Variants in CCNDBP1 observed in about 807,000 individuals in gnomAD.
The protein encoded by CCNDBP1 is cyclin D1 binding protein 1.
A neutral mutation model predicts 46.2 loss-of-function variants in CCNDBP1; 45 were observed. That is an observed-to-expected ratio of 0.97 (90% CI 0.77 to 1.25). The LOEUF (loss-of-function observed/expected upper bound fraction) is 1.25. CCNDBP1 is among the 50% of genes most tolerant of loss of function. The pLI is 0.00. For missense variants in CCNDBP1, 436 were observed against 442.1 expected (o/e 0.99, Z 0.12); for synonymous variants, 154 against 163.6 (o/e 0.94, Z 0.45).
Position 43,190,112 on chromosome 15 carries a change from C to T in CCNDBP1, c.389C>T (p.Ala130Val). ...ACCCTGGACATCGTGGATGGCATGG[C>T]TCAGCTCATGGAAGTACTTTCCGTC... ...GATLDIVDGMAQLMEVLSVTP... is the reference protein window; with the variant it reads ...GATLDIVDGMVQLMEVLSVTP... The change falls in exon 5 of 11, where the codon GCT (alanine) becomes GTT (valine). Residue 130 changes from alanine to valine, a missense_variant. Coordinates refer to ENST00000300213, the MANE Select transcript of CCNDBP1 (RefSeq NM_012142.5). 1.2e-6 allele frequency: 2 copies of T among 1,614,144 alleles called. No homozygotes were observed.
chr15:43,185,763 G>A lies in CCNDBP1; in HGVS notation c.110-57G>A. On this transcript the variant is annotated intron_variant, in intron 1 of 10. Coordinates refer to ENST00000300213, the MANE Select transcript of CCNDBP1 (RefSeq NM_012142.5). ...GGGCTTGGGCGAGGGAGGTGGCTCC[G>A]CTTACCTCAGCTTTTCCATTCGCCA... 5.1e-6 allele frequency: 8 copies of A among 1,569,884 alleles called. No individual in the cohort carries two copies. The South Asian group carries it at 8.0e-5, about 16-fold the overall frequency.
chr15:43,185,826 A>G lies in CCNDBP1; in HGVS notation c.116A>G (p.Glu39Gly). ...RLLLPRVRVG[E>G]AQETTEEFNR... is the part of the protein sequence containing the mutation. ...CACACGCCACACCCACAAGTCGGCG[A>G]AGCCCAGGAGACCACCGAGGAGTTT... The change falls in exon 2 of 11, where the codon GAA (glutamate) becomes GGA (glycine). Residue 39 changes from glutamate (E) to glycine (G), a missense_variant. Physicochemically the swap from Glu to Gly is moderately conservative, Grantham distance 98. Transcript: ENST00000300213. The G allele has an allele frequency of 6.2e-7, 1 of 1,611,274 alleles. No individual in the cohort carries two copies. Among genetic ancestry groups the G allele is most frequent in the Non-Finnish European group, 8.5e-7 (1 of 1,179,950 alleles).
intron 8 of CCNDBP1, among the ~76,000 whole-genome samples, 168 bp from the exon 9 acceptor site, chr15:43,192,575 C>T (rs773632673): frequency 6.6e-6 from 1 of 152,116 alleles, no homozygotes; most frequent in Non-Finnish European, 1.5e-5. Context: ...ATGGTTGTTT[C>T]AATAAAGACT....
chr15:43,190,061 C>A lies in CCNDBP1; in HGVS notation c.338C>A (p.Thr113Asn). The change falls in exon 5 of 11, where the codon ACC becomes AAC. Residue 113 changes from threonine to asparagine, a missense_variant. Transcript: ENST00000300213. ...YYLLPKDQGI[T>N]LRKLVRGATL... is the part of the protein sequence containing the mutation. Reference sequence around the variant, plus strand: ...TCTTTGGGTTTGGCCACAGGGATCACCCTGAGAAAGCTGGTACGGGGCGCC... The same window carrying A: ...TCTTTGGGTTTGGCCACAGGGATCAACCTGAGAAAGCTGGTACGGGGCGCC... 6.2e-7 allele frequency: 1 copy of A among 1,614,020 alleles called. No homozygotes were observed. Among genetic ancestry groups the A allele is most frequent in the Non-Finnish European group, 8.5e-7 (1 of 1,179,950 alleles).
intron 1 of CCNDBP1, 25 bp downstream of exon 1, chr15:43,185,632 C>T: frequency 7.7e-7 from 1 of 1,299,246 alleles, no homozygotes; most frequent in African/African-American, 1.6e-5. Flanking sequence ...TTAGAACGGG[C>T]GACGGCAGGG....
Position 43,190,165 on chromosome 15 carries a change from A to G in CCNDBP1, c.428+14A>G, listed in dbSNP as rs760067304. ...TCCAACTCAGAGGTAGTGATGCCACAGTTTAGGTTACCAGTTATTGGGGTT... is the reference window on the plus strand; with the variant it reads ...TCCAACTCAGAGGTAGTGATGCCACGGTTTAGGTTACCAGTTATTGGGGTT... On this transcript the variant is annotated intron_variant, in intron 5 of 10. Coordinates refer to ENST00000300213, the MANE Select transcript of CCNDBP1 (RefSeq NM_012142.5). 8 of 1,612,078 alleles carry G rather than the reference A, an allele frequency of 5.0e-6. No individual in the cohort carries two copies. Among genetic ancestry groups the G allele is most frequent in the Non-Finnish European group, 5.9e-6 (7 of 1,178,386 alleles).
At position 43,191,654 on chromosome 15, in the gene CCNDBP1, T is replaced by C. The variant is rs754447280; in HGVS notation, c.839T>C (p.Ile280Thr). 3.1e-6 allele frequency: 5 copies of C among 1,607,260 alleles called. No homozygotes were observed. Among genetic ancestry groups the C allele is most frequent in the Non-Finnish European group, 4.2e-6 (5 of 1,179,950 alleles). Residue 280 changes from isoleucine (I) to threonine (T), a missense_variant, in exon 8 of 11, where the codon ATT becomes ACT. Physicochemically the swap from Ile to Thr is moderately conservative, Grantham distance 89. Coordinates refer to ENST00000300213, the MANE Select transcript of CCNDBP1 (RefSeq NM_012142.5). ...QVAQLDDIVD[I>T]SDEISPSVDD... ...GCACAGCTGGATGACATTGTGGATA[T>C]TTCTGATGAAATCAGCCCTAGGTAA...
intron 7 of CCNDBP1, 78 bp downstream of exon 7, chr15:43,191,120 C>T: frequency 1.7e-6 from 2 of 1,203,614 alleles, no homozygotes; most frequent in South Asian, 1.2e-5. Context: ...ATTTCCTGAG[C>T]ATTGACCAGA....
intron 8 of CCNDBP1, among the ~76,000 whole-genome samples, chr15:43,192,027 T>C (rs1021966770): frequency 1.3e-5 from 2 of 152,198 alleles, no homozygotes; most frequent in African/African-American, 2.4e-5. Flanking sequence ...AAATTTGACA[T>C]TGAATATAAT....
intron 7 of CCNDBP1, 118 bp downstream of exon 7, chr15:43,191,160 C>G (rs1047377893): frequency 1.1e-6 from 1 of 870,694 alleles, no homozygotes. Flanking sequence ...TGTCCTCTGT[C>G]TTCCATCTCC....
In CCNDBP1 at chr15:43,194,873, C is replaced by T. The variant is rs765439111; in HGVS notation, c.*32C>T. ...AGGCTCATTTGTACTCTCTTCCCCT[C>T]TCATCGTCATGGTCAGGCTCTGATA... is the stretch of plus-strand genomic sequence containing the variant. On this transcript the variant is annotated 3_prime_UTR_variant, in exon 11 of 11. Coordinates refer to ENST00000300213, the MANE Select transcript of CCNDBP1 (RefSeq NM_012142.5). 77 of 1,355,462 alleles carry T rather than the reference C, an allele frequency of 5.7e-5. No individual in the cohort carries two copies. Among genetic ancestry groups the T allele is most frequent in the Non-Finnish European group, 7.8e-5 (74 of 946,056 alleles). The allele number at this position is 1,355,462 out of a possible 1,614,324, so 84.0% of individuals were successfully genotyped here.
In CCNDBP1 at chr15:43,189,227, A is replaced by G; in HGVS notation, c.278A>G (p.His93Arg). 1.2e-6 allele frequency: 2 copies of G among 1,612,732 alleles called. No homozygotes were observed. The highest frequency in any genetic ancestry group is 8.5e-7 in the Non-Finnish European group (1 of 1,179,286). Residue 93 changes from histidine to arginine, a missense_variant, in exon 4 of 11, where the codon CAT (histidine) becomes CGT (arginine). Physicochemically the swap from His to Arg is conservative, Grantham distance 29 (BLOSUM62 0). Coordinates refer to ENST00000300213, the MANE Select transcript of CCNDBP1 (RefSeq NM_012142.5). ...ACCCAGAAGTTCTGTGAACAAGTCC[A>G]TGCTGCCATCAAGGCATTTATTGCA... ...QETQKFCEQV[H>R]AAIKAFIAVY...
Position 43,186,279 on chromosome 15 carries a change from T to A in CCNDBP1, c.249+46T>A, listed in dbSNP as rs369249311. ...ATCCTTGGGCTGCCGAGTTACACCT[T>A]AGGAATCCTCTAATTTTCTTTCCAC... On this transcript the variant is annotated intron_variant, in intron 3 of 10. Coordinates refer to ENST00000300213, the MANE Select transcript of CCNDBP1 (RefSeq NM_012142.5). 45 of 1,458,214 alleles carry A rather than the reference T, an allele frequency of 3.1e-5. No homozygotes were observed. The African/African-American group carries it at 5.6e-4, about 18-fold the overall frequency. 90.3% of individuals were successfully genotyped at this position (1,458,214 alleles called of 1,614,324 possible). A position where few individuals can be genotyped will look rare whatever the true frequency, so the allele number is the denominator to read the frequency against.
chr15:43,189,667 C>T, intron 4 of CCNDBP1: 1 of 312,724 alleles, frequency 3.2e-6, no homozygotes, highest in Non-Finnish European at 5.9e-6. Context: ...TAAATGGCCT[C>T]CAGCCCTGCC....
chr15:43,194,653 G>A, intron 10 of CCNDBP1, 74 bp from the exon 11 acceptor site: 6 of 1,227,864 alleles, frequency 4.9e-6, no homozygotes, highest in African/African-American at 1.5e-5. Flanking sequence ...TTTTCCCTGT[G>A]CTCCCTCCTG....
chr15:43,191,399 T>C lies in CCNDBP1; in HGVS notation c.584T>C (p.Val195Ala), dbSNP rs145310962. 150 of 1,432,378 alleles carry C rather than the reference T, an allele frequency of 1.0e-4. No homozygotes were observed. Among genetic ancestry groups the C allele is most frequent in the Non-Finnish European group, 1.4e-4 (143 of 1,049,822 alleles). The allele number at this position is 1,432,378 out of a possible 1,614,324, so 88.7% of individuals were successfully genotyped here. A position where few individuals can be genotyped will look rare whatever the true frequency, so the allele number is the denominator to read the frequency against. The change falls in exon 8 of 11, where the codon GTG becomes GCG. Residue 195 changes from valine (V) to alanine (A), a missense_variant. Coordinates refer to ENST00000300213, the MANE Select transcript of CCNDBP1 (RefSeq NM_012142.5). ...KDAHEEMEQAVEECDPYSGLL... is the reference protein window; with the variant it reads ...KDAHEEMEQAAEECDPYSGLL... ...ATACATCATGGTATGTCTTAGGCTG[T>C]GGAAGAATGTGACCCTTACTCTGGC...
intron 9 of CCNDBP1, 95 bp from the exon 10 acceptor site, chr15:43,194,320 A>G: frequency 9.6e-7 from 1 of 1,037,594 alleles, no homozygotes; most frequent in Non-Finnish European, 1.4e-6. Context: ...TCCTTTTTCT[A>G]AATAATTTTT....
Position 43,185,509 on chromosome 15 carries a change from C to A in CCNDBP1, c.11C>A (p.Ala4Glu). MAS[A>E]TAPAAAVPTL... is the part of the protein sequence containing the mutation. ...CGGCAAGCGACTGAGATGGCGAGCG[C>A]AACTGCACCTGCAGCCGCAGTCCCC... is the stretch of plus-strand genomic sequence containing the variant. Residue 4 changes from alanine to glutamate, a missense_variant, in exon 1 of 11, where the codon GCA (alanine) becomes GAA (glutamate). By Grantham distance (107) the Ala-to-Glu change is moderately radical. Transcript: ENST00000300213. The A allele has an allele frequency of 6.3e-7, 1 of 1,592,904 alleles. No individual in the cohort carries two copies.
At chr15:43,190,747 C>A (rs534862369) in intron 6 of CCNDBP1, among the ~76,000 whole-genome samples, 129 of 152,264 alleles carry the variant, frequency 8.5e-4, no homozygotes, top group African/African-American at 2.9e-3. Context: ...TGATAAACAT[C>A]ATGTGACCAT....
Sources: gnomAD v4.1 joint callset for allele counts (sites outside exome capture counted in the v4.1 genomes callset) on GRCh38, gnomAD v4.1.1 for gene constraint, MANE v1.5 for transcripts, NCBI Gene and HGNC (gene_info 2026-07-23, HGNC 2026-07-21) for gene names.